Variants in CFAP61 observed in about 807,000 individuals in gnomAD.
The protein encoded by CFAP61 is cilia and flagella associated protein 61.
CFAP61 carries 107 observed loss-of-function variants against 135.6 expected under a neutral mutation model. The observed-to-expected ratio is 0.79, with a 90% CI of 0.67 to 0.93. The LOEUF is 0.93. Among genes scored for constraint, CFAP61 ranks in the 40% least tolerant of loss-of-function variants. The pLI is 0.00. For synonymous variants in CFAP61, 575 were observed against 578.5 expected (o/e 0.99, Z 0.09); for missense variants, 1,507 against 1,556.2 (o/e 0.97, Z 0.53).
chr20:20,292,302 A>G (rs1284450177), intron 24 of CFAP61, among the ~76,000 whole-genome samples: 1 of 152,210 alleles, frequency 6.6e-6, no homozygotes, highest in Non-Finnish European at 1.5e-5. Context: ...TTCCAGGAAA[A>G]GGGTAGATGC....
At chr20:20,322,695 C>A in intron 25 of CFAP61, 1 of 985,408 alleles carries the variant, frequency 1.0e-6, no homozygotes, top group Non-Finnish European at 1.2e-6. Flanking sequence ...ATGGGAACTA[C>A]CCTCAGAGTT....
intron 9 of CFAP61, 133 bp from the exon 10 acceptor site, chr20:20,159,237 T>C (rs1462438588): frequency 2.8e-6 from 2 of 717,576 alleles, no homozygotes; most frequent in East Asian, 5.3e-5. Context: ...TGAGGTTACA[T>C]AATTTTCCCA....
chr20:20,095,498 A>G (rs927342624), intron 7 of CFAP61: 2 of 152,382 alleles, frequency 1.3e-5, no homozygotes, highest in Middle Eastern at 6.8e-3. Flanking sequence ...TTTAGTTACA[A>G]GGACTTTCTT....
chr20:20,356,080 C>T (rs146014025), intron 26 of CFAP61, among the ~76,000 whole-genome samples: 7,045 of 73,758 alleles, frequency 0.096, 647 homozygotes, highest in East Asian at 0.25. Context: ...ACACTGTGAG[C>T]AGAGATGGTC....
At chr20:20,294,937 A>AATAATAAT (rs2055297457) in intron 24 of CFAP61, among the ~76,000 whole-genome samples, 26 of 142,906 alleles carry the variant, frequency 1.8e-4, no homozygotes, top group African/African-American at 5.9e-4. Flanking sequence ...TCCGTCTCAA[A>AATAATAAT]AATAATAATA....
intron 25 of CFAP61, among the ~76,000 whole-genome samples, chr20:20,321,147 A>G (rs377301097): frequency 1.2e-4 from 18 of 152,298 alleles, no homozygotes; most frequent in African/African-American, 4.3e-4. Context: ...TGTGATACAA[A>G]CTATTTGGGA....
At chr20:20,135,388 A>G (rs554951507) in intron 8 of CFAP61, among the ~76,000 whole-genome samples, 1 of 152,340 alleles carries the variant, frequency 6.6e-6, no homozygotes, top group South Asian at 2.1e-4. Context: ...AATTATGAAG[A>G]AGACAAAAGG....
intron 25 of CFAP61, chr20:20,322,896 G>A: frequency 1.0e-6 from 1 of 985,396 alleles, no homozygotes; most frequent in African/African-American, 1.7e-5. Flanking sequence ...GTTCTTCCTT[G>A]TGACTTTCTA....
chr20:20,240,708 C>G (rs1056337746), intron 18 of CFAP61, among the ~76,000 whole-genome samples: 6 of 152,162 alleles, frequency 3.9e-5, no homozygotes, highest in Admixed American at 2.6e-4. Flanking sequence ...TGACAAAACC[C>G]TGGGGACTGT....
chr20:20,145,805 A>G (rs1202177238), intron 9 of CFAP61, among the ~76,000 whole-genome samples: 18 of 152,250 alleles, frequency 1.2e-4, no homozygotes, highest in Admixed American at 1.1e-3. Flanking sequence ...GAATGTAACA[A>G]TCTTAAATAC....
intron 2 of CFAP61, among the ~76,000 whole-genome samples, chr20:20,067,648 TATATATATATATATA>T (rs1354271062): frequency 1.5e-5 from 2 of 137,276 alleles, no homozygotes; most frequent in Non-Finnish European, 3.0e-5. Flanking sequence ...TCTCAAAATA[TATATATATATATATA>T]ATATATATAT....
rs776539540 is a variant in CFAP61 at position 20,288,757 on chromosome 20, A to G, written c.2945A>G (p.Lys982Arg). The G allele has an allele frequency of 9.9e-6, 16 of 1,614,148 alleles. No individual in the cohort carries two copies. The highest frequency in any genetic ancestry group is 1.3e-5 in the Non-Finnish European group (15 of 1,180,026). ...ATCAGAGCTGCTGGCTCCCTCACCAAATTCTCCAATAGATACTACTCAAAT... is the reference window on the plus strand; with the variant it reads ...ATCAGAGCTGCTGGCTCCCTCACCAGATTCTCCAATAGATACTACTCAAAT... ...IAIRAAGSLT[K>R]FSNRYYSNEW... The change falls in exon 23 of 27, where the codon AAA (lysine) becomes AGA (arginine). Residue 982 changes from lysine to arginine, a missense_variant. Coordinates refer to ENST00000245957, the MANE Select transcript of CFAP61 (RefSeq NM_015585.4).
intron 10 of CFAP61, among the ~76,000 whole-genome samples, chr20:20,162,043 C>T (rs190118931): frequency 1.6e-4 from 24 of 152,234 alleles, no homozygotes; most frequent in East Asian, 1.2e-3. Flanking sequence ...TAGACAGGGG[C>T]GTGTTCCTTC....
intron 17 of CFAP61, among the ~76,000 whole-genome samples, chr20:20,219,342 A>G (rs1366502519): frequency 2.6e-5 from 4 of 152,184 alleles, no homozygotes; most frequent in Admixed American, 6.5e-5. Flanking sequence ...TTTTTTTTCC[A>G]GAGTTGCTTT....
chr20:20,266,853 G>T, intron 21 of CFAP61, among the ~76,000 whole-genome samples: 1 of 152,158 alleles, frequency 6.6e-6, no homozygotes, highest in East Asian at 1.9e-4. Flanking sequence ...CCTCACATGG[G>T]TTGCTGAGAG....
intron 10 of CFAP61, among the ~76,000 whole-genome samples, chr20:20,160,447 G>A (rs2053298804): frequency 6.6e-6 from 1 of 152,174 alleles, no homozygotes; most frequent in Non-Finnish European, 1.5e-5. Context: ...GCTAGGGATT[G>A]AAGTACCCCT....
rs370316075 is a variant in CFAP61 at position 20,159,441 on chromosome 20, G to A, written c.1023G>A (p.Pro341=). ...TCCAAAGTGGAAATGTTAGTGAACCGGAGGTAGGGTTTGACGAGGGCCTTT... is the reference window on the plus strand; with the variant it reads ...TCCAAAGTGGAAATGTTAGTGAACCAGAGGTAGGGTTTGACGAGGGCCTTT... The part of the protein sequence containing the change: ...TAVQSGNVSE[P]EDIEKLSDIS... Residue 341 remains proline, a synonymous_variant, in exon 10 of 27, where the codon CCG becomes CCA. Transcript: ENST00000245957. 14 of 1,613,478 alleles carry A rather than the reference G, an allele frequency of 8.7e-6. No homozygotes were observed. Among genetic ancestry groups the A allele is most frequent in the African/African-American group, 6.7e-5 (5 of 74,900 alleles).
intron 8 of CFAP61, among the ~76,000 whole-genome samples, chr20:20,142,526 A>T (rs1274050134): frequency 6.6e-6 from 1 of 152,174 alleles, no homozygotes; most frequent in Non-Finnish European, 1.5e-5. Flanking sequence ...TTGCCCAGGG[A>T]CTGGCAGAGG....
At chr20:20,338,734 C>G (rs1409944728) in intron 25 of CFAP61, among the ~76,000 whole-genome samples, 2 of 152,366 alleles carry the variant, frequency 1.3e-5, no homozygotes, top group East Asian at 3.9e-4. Context: ...CTTTCCTCAG[C>G]CTTCAGCGTG....
Sources: allele counts gnomAD v4.1 joint callset (sites outside exome capture counted in the v4.1 genomes callset), GRCh38; gene constraint gnomAD v4.1.1; transcripts MANE v1.5; gene names NCBI Gene and HGNC (gene_info 2026-07-23, HGNC 2026-07-21).